Variants in COL6A2 observed in about 807,000 individuals in gnomAD.
COL6A2 encodes collagen alpha-2(VI) chain.
In COL6A2, 90 loss-of-function variants were observed where a neutral mutation model predicts 124.9. That is an observed-to-expected ratio of 0.72 (90% CI 0.61 to 0.86). The LOEUF (loss-of-function observed/expected upper bound fraction) is 0.86. Ranked by LOEUF, COL6A2 falls within the 40% of genes least tolerant of loss-of-function variation. COL6A2 has a pLI of 0.00. For synonymous variants in COL6A2, 793 were observed against 618.2 expected (o/e 1.28, Z -4.19); for missense variants, 1,607 against 1,502.5 (o/e 1.07, Z -1.15).
At position 46,125,266 on chromosome 21, in the gene COL6A2, G is replaced by A; in HGVS notation, c.1771G>A (p.Glu591Lys). 1.2e-6 allele frequency: 2 copies of A among 1,612,230 alleles called. No homozygotes were observed. The highest frequency in any genetic ancestry group is 1.1e-5 in the South Asian group (1 of 90,924). ...ACCCTGCCTGCCGTGTGCATTGCAG[G>A]AGTGTGACGTCATGACCTACGTGAG... is the stretch of plus-strand genomic sequence containing the variant. The part of the protein sequence containing the change: ...PGPPGDPGLT[E>K]CDVMTYVRET... The change falls in exon 24 of 28, where the codon GAG becomes AAG. Residue 591 changes from glutamate to lysine, a missense_variant and splice_region_variant. Transcript: ENST00000300527.
intron 25 of COL6A2, 24 bp from the exon 26 acceptor site, chr21:46,125,761 C>T (rs139225656): frequency 9.4e-4 from 1,509 of 1,608,536 alleles, no homozygotes; most frequent in Non-Finnish European, 1.1e-3. Context: ...CCTCTGGCAA[C>T]GACCTCACGC....
chr21:46,128,150 G>C (rs1044693539), intron 27 of COL6A2, among the ~76,000 whole-genome samples: 4 of 152,194 alleles, frequency 2.6e-5, no homozygotes, highest in Non-Finnish European at 5.9e-5. Flanking sequence ...CTCCCTCCTG[G>C]GAGTGGGTCA....
At chr21:46,131,068 T>G (rs930303068) in intron 27 of COL6A2, among the ~76,000 whole-genome samples, 2 of 152,130 alleles carry the variant, frequency 1.3e-5, no homozygotes, top group African/African-American at 4.8e-5. Context: ...TGGGGGTCCA[T>G]GTACCAGCTG....
intron 21 of COL6A2, 40 bp from the exon 22 acceptor site, chr21:46,124,611 C>T: frequency 6.2e-7 from 1 of 1,604,272 alleles, no homozygotes; most frequent in South Asian, 1.1e-5. Context: ...GGGACTGTCC[C>T]TGGGGCCACT....
rs760227367 is a variant in COL6A2, at chr21:46,125,573, T to G, written c.1925T>G (p.Val642Gly). 1 of 1,611,846 alleles carries G rather than the reference T, an allele frequency of 6.2e-7. No homozygotes were observed. Among genetic ancestry groups the G allele is most frequent in the Non-Finnish European group, 8.5e-7 (1 of 1,179,662 alleles). Residue 642 changes from valine (V) to glycine (G), a missense_variant, in exon 25 of 28, where the codon GTC (valine) becomes GGC (glycine). Val to Gly is a moderately radical substitution (Grantham distance 109). Coordinates refer to ENST00000300527, the MANE Select transcript of COL6A2 (RefSeq NM_001849.4). ...TLEKNFVINVVNRLGAIAKDP... is the reference protein window; with the variant it reads ...TLEKNFVINVGNRLGAIAKDP... ...GAGAAGAACTTCGTCATCAACGTGG[T>G]CAACAGGCTGGGTGCCATCGCTAAG...
chr21:46,119,247 C>T (rs958544119), intron 14 of COL6A2, 128 bp downstream of exon 14: 1 of 756,062 alleles, frequency 1.3e-6, no homozygotes, highest in Non-Finnish European at 2.3e-6. Context: ...CAGCCAGGCC[C>T]CCATCCTCCC....
chr21:46,120,273 G>A (rs539199599), intron 15 of COL6A2, among the ~76,000 whole-genome samples: 48 of 152,294 alleles, frequency 3.2e-4, no homozygotes, highest in African/African-American at 9.4e-4. Flanking sequence ...GGAAGTGGAC[G>A]AGGTCCTACC....
chr21:46,120,597 C>A lies in COL6A2; in HGVS notation c.1395+20C>A. ...GCCAAGGTAGGGGAGCAGGGTGGGC[C>A]GCACCCCAAGGTAGGGGATCTGAGG... On this transcript the variant is annotated intron_variant, in intron 16 of 27. Transcript: ENST00000300527. 3 of 1,452,082 alleles carry A rather than the reference C, an allele frequency of 2.1e-6. No individual in the cohort carries two copies. Among genetic ancestry groups the A allele is most frequent in the South Asian group, 2.9e-5 (2 of 68,304 alleles). The allele number at this position is 1,452,082 out of a possible 1,614,324, so 89.9% of individuals were successfully genotyped here.
intron 26 of COL6A2, 125 bp downstream of exon 26, chr21:46,126,362 T>A: frequency 6.7e-7 from 1 of 1,503,590 alleles, no homozygotes; most frequent in South Asian, 1.1e-5. Flanking sequence ...GGGCTGTGGG[T>A]GGGAAGGGGT....
intron 4 of COL6A2, 36 bp from the exon 5 acceptor site, chr21:46,113,971 AC>A: frequency 6.3e-7 from 1 of 1,582,514 alleles, no homozygotes; most frequent in Non-Finnish European, 8.7e-7. Flanking sequence ...GGAATGTCCC[AC>A]CCATGCAACC....
At position 46,117,942 on chromosome 21, in the gene COL6A2, T is replaced by G. The variant is rs199883742; in HGVS notation, c.1116+6T>G. 4 of 1,611,794 alleles carry G rather than the reference T, an allele frequency of 2.5e-6. No homozygotes were observed. The highest frequency in any genetic ancestry group is 1.3e-5 in the African/African-American group (1 of 74,976). On this transcript the variant is annotated splice_donor_region_variant and intron_variant, in intron 12 of 27. Coordinates refer to ENST00000300527, the MANE Select transcript of COL6A2 (RefSeq NM_001849.4). ...GAGGAGACCAAGGCGGCAAGGTAAGTGGCCTTGTCAGGGTACGGGGCAGGC... is the reference window on the plus strand; with the variant it reads ...GAGGAGACCAAGGCGGCAAGGTAAGGGGCCTTGTCAGGGTACGGGGCAGGC...
rs372055794 is a variant in COL6A2 at position 46,116,829 on chromosome 21, G to A, written c.999+15G>A. 46 of 1,612,466 alleles carry A rather than the reference G, an allele frequency of 2.9e-5. No homozygotes were observed. Among genetic ancestry groups the A allele is most frequent in the Non-Finnish European group, 3.4e-5 (40 of 1,179,912 alleles). Reference sequence around the variant, plus strand: ...ATGGACAGAAGGTAGAGGGAGCCTCGGGCTCACAGCTGGACTGGTCTCACA... The same window carrying A: ...ATGGACAGAAGGTAGAGGGAGCCTCAGGCTCACAGCTGGACTGGTCTCACA... On this transcript the variant is annotated intron_variant, in intron 10 of 27. Transcript: ENST00000300527. This position sits in a 1 kb window ranked among gnomAD's most constrained non-coding sequence, Gnocchi z 4.6.
intron 1 of COL6A2, among the ~76,000 whole-genome samples, chr21:46,110,284 C>T (rs528495484): frequency 2.6e-5 from 4 of 152,132 alleles, no homozygotes; most frequent in South Asian, 2.1e-4. Flanking sequence ...GATGGGCTGC[C>T]GCTGCCATCA....
At chr21:46,125,013 C>A in intron 23 of COL6A2, 93 bp downstream of exon 23, 1 of 1,484,230 alleles carries the variant, frequency 6.7e-7, no homozygotes, top group South Asian at 1.1e-5. Flanking sequence ...CTGGCACGGT[C>A]AGAGAGCAAG....
rs765055618 is a variant in COL6A2 at position 46,132,246 on chromosome 21, C to T, written c.2754C>T (p.Gly918=). The change falls in exon 28 of 28, where the codon GGC becomes GGT. Residue 918 remains glycine, a synonymous_variant. Transcript: ENST00000300527. ...TQYLNSFSHV[G]AGVVHAINAI... is the part of the protein sequence containing the mutation. ...ACCTGAACTCCTTCTCGCACGTGGG[C>T]GCAGGCGTGGTGCACGCCATCAATG... is the stretch of plus-strand genomic sequence containing the variant. 36 of 1,603,448 alleles carry T rather than the reference C, an allele frequency of 2.2e-5. No individual in the cohort carries two copies. Among genetic ancestry groups the T allele is most frequent in the African/African-American group, 1.5e-4 (11 of 74,718 alleles).
chr21:46,125,189 C>A, intron 23 of COL6A2, 77 bp from the exon 24 acceptor site: 1 of 1,394,830 alleles, frequency 7.2e-7, no homozygotes, highest in Non-Finnish European at 1.0e-6. Flanking sequence ...TGTCCCGGGA[C>A]CCCCAGGCCA....
chr21:46,115,978 T>A (rs1394674204), intron 6 of COL6A2, 31 bp from the exon 7 acceptor site: 1 of 1,611,906 alleles, frequency 6.2e-7, no homozygotes, highest in Admixed American at 1.7e-5. Context: ...GCCCCAGGGC[T>A]GGGCTCACAC....
At chr21:46,120,910 A>G in intron 16 of COL6A2, 151 bp from the exon 17 acceptor site, 1 of 776,846 alleles carries the variant, frequency 1.3e-6, no homozygotes, top group Admixed American at 2.0e-5. Context: ...CTGAAGGTCA[A>G]GTGGAGCCAC....
intron 1 of COL6A2, among the ~76,000 whole-genome samples, chr21:46,108,106 A>AT (rs57568187): frequency 0.014 from 1,482 of 106,056 alleles, 13 homozygotes; most frequent in Non-Finnish European, 0.021. Flanking sequence ...ATATATATAT[A>AT]TTTTTTTTTC....
Sources: allele counts gnomAD v4.1 joint callset (sites outside exome capture counted in the v4.1 genomes callset), GRCh38; gene constraint gnomAD v4.1.1; non-coding constraint Gnocchi (gnomAD v3.1); transcripts MANE v1.5; gene names NCBI Gene and HGNC (gene_info 2026-07-23, HGNC 2026-07-21).